NEMF: variants seen among roughly 807,000 people sequenced by gnomAD.
The protein encoded by NEMF is nuclear export mediator factor.
NEMF carries 89 observed loss-of-function variants against 162.2 expected under a neutral mutation model. The ratio of observed to expected loss-of-function variants is 0.55; its 90% confidence interval spans 0.46 to 0.65. The LOEUF is 0.65. NEMF is among the 30% of genes least tolerant of loss of function. The pLI, the probability that NEMF is intolerant of heterozygous loss-of-function variation, is 0.00. For synonymous variants in NEMF, 421 were observed against 404.5 expected (o/e 1.04, Z -0.49); for missense variants, 1,133 against 1,261.9 (o/e 0.90, Z 1.55).
chr14:49,838,165 A>G lies in NEMF; in HGVS notation c.548T>C (p.Leu183Pro). Residue 183 changes from leucine (L) to proline (P), a missense_variant, in exon 6 of 33, where the codon CTG becomes CCG. Leu to Pro is a moderately conservative substitution (Grantham distance 98). Transcript: ENST00000298310. ...AAGTAATGGGTTAAGCACCCTCTTC[A>G]GTAGTTCACCCTTAGGTGCGCTGGC... ...IVASAPKGELLKRVLNPLLPY... is the reference protein window; with the variant it reads ...IVASAPKGELPKRVLNPLLPY... The G allele has an allele frequency of 1.2e-6, 2 of 1,614,004 alleles. No homozygotes were observed. Among genetic ancestry groups the G allele is most frequent in the Non-Finnish European group, 1.7e-6 (2 of 1,179,880 alleles).
intron 5 of NEMF, chr14:49,839,904 A>C (rs1320553291): frequency 6.6e-6 from 1 of 152,254 alleles, no homozygotes; most frequent in Non-Finnish European, 1.5e-5. Context: ...TCATACCTGT[A>C]ACTCCAACAC....
At chr14:49,805,429 G>C (rs1891141399) in intron 19 of NEMF, among the ~76,000 whole-genome samples, 1 of 151,948 alleles carries the variant, frequency 6.6e-6, no homozygotes, top group South Asian at 2.1e-4. Flanking sequence ...TTGGGAGGCT[G>C]AAGCAAGAGG....
At chr14:49,795,624 G>A (rs976560886) in intron 26 of NEMF, among the ~76,000 whole-genome samples, 167 bp downstream of exon 26, 1 of 152,192 alleles carries the variant, frequency 6.6e-6, no homozygotes, top group South Asian at 2.1e-4. Context: ...TTCTAATAGT[G>A]ATCTCTGTGT....
At chr14:49,821,746 C>T (rs1388090252) in intron 16 of NEMF, among the ~76,000 whole-genome samples, 6 of 151,046 alleles carry the variant, frequency 4.0e-5, no homozygotes, top group Middle Eastern at 3.4e-3. Context: ...CGCCTCTGCC[C>T]GGCCGCCCCT....
In NEMF at chr14:49,852,717, C is replaced by T. The variant is rs774594319; in HGVS notation, c.37G>A (p.Val13Ile). The T allele has an allele frequency of 7.4e-6, 12 of 1,614,098 alleles. No homozygotes were observed. The highest frequency in any genetic ancestry group is 3.3e-5 in the Admixed American group (2 of 60,008). ...SRFSTIDLRA[V>I]LAELNASLLG... ...TACCTAGCATTCAGCTCCGCGAGTA[C>T]GGCGCGGAGGTCAATGGTGCTAAAG... The change falls in exon 1 of 33, where the codon GTA becomes ATA. Residue 13 changes from valine (V) to isoleucine (I), a missense_variant. Coordinates refer to ENST00000298310, the MANE Select transcript of NEMF (RefSeq NM_004713.6).
At chr14:49,804,560 G>A (rs927258295) in intron 19 of NEMF, among the ~76,000 whole-genome samples, 11 of 151,930 alleles carry the variant, frequency 7.2e-5, no homozygotes, top group Admixed American at 1.3e-4. Context: ...CCAGCTACTC[G>A]GGAGGTTGAA....
intron 16 of NEMF, among the ~76,000 whole-genome samples, chr14:49,824,539 C>T (rs147289622): frequency 0.012 from 712 of 60,894 alleles, 7 homozygotes; most frequent in African/African-American, 0.039. Context: ...AGTGAAATTC[C>T]GTCTCAAAAA....
Position 49,832,078 on chromosome 14 carries a change from T to C in NEMF, c.855A>G (p.Pro285=), listed in dbSNP as rs1892666194. 3.7e-6 allele frequency: 6 copies of C among 1,607,202 alleles called. No individual in the cohort carries two copies. Among genetic ancestry groups the C allele is most frequent in the Non-Finnish European group, 5.1e-6 (6 of 1,177,770 alleles). ...TGTCAAATGATTCAAATTCTATATA[T>C]GGACATTGTGAATGTTGAGAAAACA... The part of the protein sequence containing the change: ...PFLFSQHSQC[P]YIEFESFDKA... Residue 285 remains proline (P), a synonymous_variant, in exon 10 of 33, where the codon CCA becomes CCG. Coordinates refer to ENST00000298310, the MANE Select transcript of NEMF (RefSeq NM_004713.6).
intron 3 of NEMF, among the ~76,000 whole-genome samples, chr14:49,848,992 A>G (rs1482647852): frequency 6.6e-6 from 1 of 152,158 alleles, no homozygotes; most frequent in Admixed American, 6.6e-5. Context: ...TAATGCTAAC[A>G]TTTTCATAAC....
rs369455027 is a variant in NEMF at position 49,852,160 on chromosome 14, T to G, written c.60-285A>C. The stretch of plus-strand genomic sequence containing the variant: ...TACAGTAAAATATAATCCAATTAAT[T>G]TATTACAAGGGAGAAAAAAAAAAGA... On this transcript the variant is annotated intron_variant, in intron 1 of 32. Coordinates refer to ENST00000298310, the MANE Select transcript of NEMF (RefSeq NM_004713.6). Among the ~76,000 whole-genome samples the G allele has an allele frequency of 9.4e-5, 10 of 105,834 alleles. No homozygotes were observed. The East Asian group carries it at 2.7e-3, about 29-fold the overall frequency. The allele number at this position is 105,834 out of a possible 152,430, so 69.4% of individuals were successfully genotyped here.
chr14:49,834,462 A>G lies in NEMF; in HGVS notation c.575-13T>C, dbSNP rs1892799344. 1 of 1,490,016 alleles carries G rather than the reference A, an allele frequency of 6.7e-7. No homozygotes were observed. The highest frequency in any genetic ancestry group is 9.3e-7 in the Non-Finnish European group (1 of 1,077,428). 92.3% of individuals were successfully genotyped at this position (1,490,016 alleles called of 1,614,324 possible). A position where few individuals can be genotyped will look rare whatever the true frequency, so the allele number is the denominator to read the frequency against. On this transcript the variant is annotated splice_polypyrimidine_tract_variant and intron_variant, in intron 6 of 32. Transcript: ENST00000298310. The stretch of plus-strand genomic sequence containing the variant: ...GCTGGTCCATAGGCTATAAATGCAG[A>G]GGATATTACTTTTAGTATTTTCCTA...
At chr14:49,801,896 C>T (rs533920403) in intron 22 of NEMF, among the ~76,000 whole-genome samples, 31 of 152,164 alleles carry the variant, frequency 2.0e-4, no homozygotes, top group African/African-American at 6.3e-4. Context: ...CCATTAAATA[C>T]TGAAGTCTCA....
At chr14:49,849,154 A>G (rs1313286408) in intron 3 of NEMF, among the ~76,000 whole-genome samples, 1 of 152,200 alleles carries the variant, frequency 6.6e-6, no homozygotes, top group Admixed American at 6.5e-5. Context: ...TTGATTAAAC[A>G]GTAACCTACA....
At chr14:49,850,851 G>A (rs1007974368) in intron 3 of NEMF, among the ~76,000 whole-genome samples, 2 of 152,114 alleles carry the variant, frequency 1.3e-5, no homozygotes, top group Admixed American at 6.5e-5. Context: ...ATAGAATATG[G>A]ATTTAGAAAT....
intron 16 of NEMF, among the ~76,000 whole-genome samples, chr14:49,817,135 T>C (rs1891752950): frequency 6.6e-6 from 1 of 152,036 alleles, no homozygotes; most frequent in Middle Eastern, 3.4e-3. Flanking sequence ...GATGGAAAGG[T>C]TGAAATATAA....
chr14:49,835,878 A>G (rs542159316), intron 6 of NEMF, among the ~76,000 whole-genome samples: 56 of 152,334 alleles, frequency 3.7e-4, no homozygotes, highest in African/African-American at 1.3e-3. Context: ...AAATTAAGAA[A>G]ATTCCACTGA....
At chr14:49,830,400 T>C (rs1165567831) in intron 11 of NEMF, among the ~76,000 whole-genome samples, 3 of 152,112 alleles carry the variant, frequency 2.0e-5, no homozygotes, top group Non-Finnish European at 4.4e-5. Flanking sequence ...ACAATTTGAT[T>C]TTTTTTTCTT....
chr14:49,839,067 A>ATTTTTTTT (rs56002531), intron 5 of NEMF, among the ~76,000 whole-genome samples: 2 of 147,464 alleles, frequency 1.4e-5, no homozygotes, highest in African/African-American at 2.5e-5. Flanking sequence ...AAGCATGTTA[A>ATTTTTTTT]TTTTTTTTTT....
In NEMF at chr14:49,799,484, T is replaced by G. The variant is rs1328579265; in HGVS notation, c.2456A>C (p.Lys819Thr). The change falls in exon 25 of 33, where the codon AAG becomes ACG. Residue 819 changes from lysine to threonine, a missense_variant. Lys to Thr is a moderately conservative substitution (Grantham distance 78). Transcript: ENST00000298310. ...KSQSRRHLSAKERREMKKKKL... is the reference protein window; with the variant it reads ...KSQSRRHLSATERREMKKKKL... ...ACACAGATGTGTTTACCTTCTTTCC[T>G]TGGCTGACAAATGTCTCCGGCTCTG... is the stretch of plus-strand genomic sequence containing the variant. 1 of 1,609,800 alleles carries G rather than the reference T, an allele frequency of 6.2e-7. No homozygotes were observed. The highest frequency in any genetic ancestry group is 8.5e-7 in the Non-Finnish European group (1 of 1,178,948).
Sources: allele counts gnomAD v4.1 joint callset (sites outside exome capture counted in the v4.1 genomes callset), GRCh38; gene constraint gnomAD v4.1.1; transcripts MANE v1.5; gene names NCBI Gene and HGNC (gene_info 2026-07-23, HGNC 2026-07-21).